SNX2: variants seen among roughly 807,000 people sequenced by gnomAD.
SNX2 encodes sorting nexin 2, also known as sorting nexin-2.
In SNX2, 25 loss-of-function variants were observed where a neutral mutation model predicts 69.9. That is an observed-to-expected ratio of 0.36 (90% CI 0.26 to 0.50). SNX2 has a LOEUF of 0.50. SNX2 is among the 20% of genes least tolerant of loss of function. The pLI, the probability that SNX2 is intolerant of heterozygous loss-of-function variation, is 0.97. For synonymous variants in SNX2, 229 were observed against 200.4 expected, an observed-to-expected ratio of 1.14 and a Z score of -1.20; for missense variants, 551 against 613.3, an observed-to-expected ratio of 0.90 and a Z score of 1.07.
intron 6 of SNX2, among the ~76,000 whole-genome samples, chr5:122,807,238 G>A (rs1249601741): frequency 2.0e-5 from 3 of 151,946 alleles, no homozygotes; most frequent in Non-Finnish European, 4.4e-5. Flanking sequence ...CTCCAGCCTA[G>A]GTGACAGAGT....
intron 3 of SNX2, among the ~76,000 whole-genome samples, chr5:122,801,388 T>TGA (rs1581633912): frequency 6.6e-6 from 1 of 152,094 alleles, no homozygotes; most frequent in East Asian, 1.9e-4. Context: ...GCAGATCACC[T>TGA]GAGGTCAGGA....
intron 1 of SNX2, among the ~76,000 whole-genome samples, chr5:122,781,066 C>T (rs568449602): frequency 7.2e-5 from 11 of 152,164 alleles, no homozygotes; most frequent in Middle Eastern, 3.4e-3. Context: ...CTCTTGAAAC[C>T]ATTAAATTTA....
rs1327523892 is a variant in SNX2 at position 122,818,988 on chromosome 5, C to T, written c.1177C>T (p.Leu393Phe). The T allele has an allele frequency of 3.7e-6, 6 of 1,613,682 alleles. No individual in the cohort carries two copies. Among genetic ancestry groups the T allele is most frequent in the East Asian group, 2.2e-5 (1 of 44,858 alleles). The change falls in exon 11 of 15, where the codon CTT becomes TTT. Residue 393 changes from leucine (L) to phenylalanine (F), a missense_variant. Physicochemically the swap from Leu to Phe is conservative, Grantham distance 22. Coordinates refer to ENST00000379516, the MANE Select transcript of SNX2 (RefSeq NM_003100.4). ...TGACTTTTATATGTTTTCAGAACTACTTAGTGACTACATTCGTCTTATTGC... is the reference window on the plus strand; with the variant it reads ...TGACTTTTATATGTTTTCAGAACTATTTAGTGACTACATTCGTCTTATTGC... ...FADFYMFSEL[L>F]SDYIRLIAAV...
intron 11 of SNX2, among the ~76,000 whole-genome samples, chr5:122,821,567 G>A (rs1192323269): frequency 6.6e-6 from 1 of 151,108 alleles, no homozygotes; most frequent in African/African-American, 2.4e-5. Context: ...CCATTCTCCT[G>A]CCTCAGCCTT....
At chr5:122,781,051 A>G (rs1752970283) in intron 1 of SNX2, among the ~76,000 whole-genome samples, 1 of 152,214 alleles carries the variant, frequency 6.6e-6, no homozygotes, top group African/African-American at 2.4e-5. Flanking sequence ...CAAGTTGACC[A>G]CTTTCTCTTG....
intron 12 of SNX2, 121 bp from the exon 13 acceptor site, chr5:122,827,258 G>C: frequency 2.8e-6 from 2 of 723,612 alleles, no homozygotes; most frequent in Non-Finnish European, 4.7e-6. Flanking sequence ...GCTAAATTGT[G>C]CATTGCCAAT....
chr5:122,785,854 G>C (rs1270064912), intron 1 of SNX2, among the ~76,000 whole-genome samples: 3 of 152,088 alleles, frequency 2.0e-5, no homozygotes, highest in African/African-American at 7.2e-5. Context: ...TATATAGTCT[G>C]TTTTGTTGGG....
intron 1 of SNX2, among the ~76,000 whole-genome samples, chr5:122,794,190 A>C (rs1753320336): frequency 6.6e-6 from 1 of 151,942 alleles, no homozygotes. Flanking sequence ...GCATGCCTGT[A>C]ATCCCAGTTA....
intron 11 of SNX2, among the ~76,000 whole-genome samples, chr5:122,822,373 G>A (rs1048007578): frequency 6.6e-6 from 1 of 152,116 alleles, no homozygotes. Context: ...ATGAGCCACC[G>A]CACCCAGCCC....
rs58159922 is a variant in SNX2, at chr5:122,831,009, CAAAAAAAAAA to C, written c.*1376_*1385del. 1.3e-4 allele frequency among the ~76,000 whole-genome samples: 8 copies of C among 63,006 alleles called. No individual in the cohort carries two copies. Among genetic ancestry groups the C allele is most frequent in the South Asian group, 7.1e-4 (1 of 1,416 alleles). The allele number at this position is 63,006 out of a possible 152,430, so 41.3% of individuals were successfully genotyped here. ...AGGCAACAAAAGCAAAACTCCATCT[CAAAAAAAAAA>C]AAAAAAAAAAAAAAGATGACTGGTG... On this transcript the variant is annotated 3_prime_UTR_variant, in exon 15 of 15. Transcript: ENST00000379516.
At chr5:122,801,105 G>A (rs1753498260) in intron 3 of SNX2, among the ~76,000 whole-genome samples, 1 of 152,110 alleles carries the variant, frequency 6.6e-6, no homozygotes. Flanking sequence ...CTGCTGGTAA[G>A]TAAGGTTCTA....
chr5:122,826,557 A>G lies in SNX2; in HGVS notation c.1356+364A>G, dbSNP rs1322733886. ...GTCCAGGCAACATTATCCCCCATATATATGTATTATATATGGTATTTTAGT... is the reference window on the plus strand; with the variant it reads ...GTCCAGGCAACATTATCCCCCATATGTATGTATTATATATGGTATTTTAGT... On this transcript the variant is annotated intron_variant, in intron 12 of 14. Coordinates refer to ENST00000379516, the MANE Select transcript of SNX2 (RefSeq NM_003100.4). 1.3e-5 allele frequency: 6 copies of G among 452,744 alleles called. No homozygotes were observed. The East Asian group carries it at 9.3e-4, about 70-fold the overall frequency. The allele number at this position is 452,744 out of a possible 1,614,324, so 28.0% of individuals were successfully genotyped here. A position where few individuals can be genotyped will look rare whatever the true frequency, so the allele number is the denominator to read the frequency against.
chr5:122,794,267 C>T (rs1326031150), intron 1 of SNX2, among the ~76,000 whole-genome samples: 3 of 152,058 alleles, frequency 2.0e-5, no homozygotes, highest in Admixed American at 6.6e-5. Context: ...GCCAAGATTG[C>T]ACCATTGCAC....
At chr5:122,810,945 CATTT>C (rs1223299286) in intron 7 of SNX2, among the ~76,000 whole-genome samples, 2 of 152,138 alleles carry the variant, frequency 1.3e-5, no homozygotes, top group African/African-American at 4.8e-5. Flanking sequence ...TTCCTGTACA[CATTT>C]ATTTTTTAAT....
In SNX2 at chr5:122,810,350, A is replaced by G. The variant is rs555722374; in HGVS notation, c.722+1995A>G. On this transcript the variant is annotated intron_variant, in intron 7 of 14. Coordinates refer to ENST00000379516, the MANE Select transcript of SNX2 (RefSeq NM_003100.4). The stretch of plus-strand genomic sequence containing the variant: ...CTGACCTTCCCTCCACTATTGTCCT[A>G]TGACCCTGCCAAATCCCCCTCTGCG... Among the ~76,000 whole-genome samples the G allele has an allele frequency of 3.8e-4, 55 of 143,868 alleles. No individual in the cohort carries two copies. In the South Asian group the frequency reaches 6.0e-3, roughly 16 times the overall value. 94.4% of individuals were successfully genotyped at this position (143,868 alleles called of 152,430 possible).
intron 1 of SNX2, among the ~76,000 whole-genome samples, chr5:122,791,572 G>A (rs575233107): frequency 5.3e-5 from 8 of 152,276 alleles, no homozygotes; most frequent in Admixed American, 2.6e-4. Flanking sequence ...ATGGGCCACT[G>A]CGCCCAGCCT....
At chr5:122,800,188 G>T (rs966238673) in intron 3 of SNX2, among the ~76,000 whole-genome samples, 1 of 152,034 alleles carries the variant, frequency 6.6e-6, no homozygotes, top group Admixed American at 6.6e-5. Flanking sequence ...AAATTTATTT[G>T]ATAAAATTTG....
At chr5:122,804,119 C>T (rs555650215) in intron 6 of SNX2, among the ~76,000 whole-genome samples, 10 of 144,628 alleles carry the variant, frequency 6.9e-5, no homozygotes, top group East Asian at 2.4e-4. Context: ...AGTGAGACTC[C>T]GTCTCAAAAA....
intron 1 of SNX2, among the ~76,000 whole-genome samples, chr5:122,780,014 A>G (rs1421118992): frequency 6.6e-6 from 1 of 152,242 alleles, no homozygotes; most frequent in African/African-American, 2.4e-5. Flanking sequence ...ATGTAATAAC[A>G]GATTAAAAGA....
Sources: gnomAD v4.1 joint callset for allele counts (sites outside exome capture counted in the v4.1 genomes callset) on GRCh38, gnomAD v4.1.1 for gene constraint, MANE v1.5 for transcripts, NCBI Gene and HGNC (gene_info 2026-07-23, HGNC 2026-07-21) for gene names.